The following SLC12A1 variants were observed in gnomAD, a reference collection of about 807,000 sequenced individuals.
SLC12A1 encodes the protein solute carrier family 12 member 1.
In SLC12A1, 89 loss-of-function variants were observed where a neutral mutation model predicts 130.4. The observed-to-expected ratio is 0.68, with a 90% CI of 0.58 to 0.81. The LOEUF (loss-of-function observed/expected upper bound fraction) is 0.81. Among genes scored for constraint, SLC12A1 ranks in the 40% least tolerant of loss-of-function variants. The pLI is 0.00. For synonymous variants in SLC12A1, 499 were observed against 460.0 expected (o/e 1.08, Z -1.09); for missense variants, 1,310 against 1,336.4 (o/e 0.98, Z 0.31).
In SLC12A1 at chr15:48,251,614, G is replaced by T; in HGVS notation, c.1787-1G>T. ...TTTCCTTCTGCATATTTTGTTTTCAGGATGGAGACCTGCGTATGGAATTTA... is the reference window on the plus strand; with the variant it reads ...TTTCCTTCTGCATATTTTGTTTTCATGATGGAGACCTGCGTATGGAATTTA... On this transcript the variant is annotated splice_acceptor_variant, in intron 14 of 26. Coordinates refer to ENST00000380993, the MANE Select transcript of SLC12A1 (RefSeq NM_000338.3). LOFTEE classifies it high-confidence loss of function. The T allele has an allele frequency of 6.2e-7, 1 of 1,612,962 alleles. No individual in the cohort carries two copies. Among genetic ancestry groups the T allele is most frequent in the Non-Finnish European group, 8.5e-7 (1 of 1,178,988 alleles).
At chr15:48,235,048 A>T (rs757626803) in intron 9 of SLC12A1, 44 bp downstream of exon 9, 97 of 1,598,954 alleles carry the variant, frequency 6.1e-5, no homozygotes, top group Non-Finnish European at 8.0e-5. Flanking sequence ...GTGGTGGTAC[A>T]CTTGGTGGGT....
At chr15:48,242,579 G>T (rs959337197) in intron 10 of SLC12A1, among the ~76,000 whole-genome samples, 4 of 152,168 alleles carry the variant, frequency 2.6e-5, no homozygotes, top group South Asian at 4.1e-4. Flanking sequence ...GAGGCCAGAG[G>T]ATTGCTTAAG....
In SLC12A1 at chr15:48,225,838, C is replaced by T. The variant is rs955159807; in HGVS notation, c.629-638C>T. The T allele has an allele frequency of 1.8e-5, 17 of 938,362 alleles. No homozygotes were observed. In the African/African-American group the frequency reaches 2.7e-4, roughly 15 times the overall value. 58.1% of individuals were successfully genotyped at this position (938,362 alleles called of 1,614,324 possible). A position where few individuals can be genotyped will look rare whatever the true frequency, so the allele number is the denominator to read the frequency against. On this transcript the variant is annotated intron_variant, in intron 4 of 26. Transcript: ENST00000380993. ...CCACCATTTAATACCTTTATTTTTC[C>T]TCTTTCAACTGAGGTCTTGGTGTGA...
rs1265131306 is a variant in SLC12A1 at position 48,263,240 on chromosome 15, T to C, written c.2154+3929T>C. Among the ~76,000 whole-genome samples, 7 of 152,316 alleles carry C rather than the reference T, an allele frequency of 4.6e-5. No individual in the cohort carries two copies. The East Asian group carries it at 1.3e-3, about 29-fold the overall frequency. On this transcript the variant is annotated intron_variant, in intron 17 of 26. Transcript: ENST00000380993. ...GATCAAAAGTTAATTGAATTGAAAG[T>C]CGATTCCATTGACCTGGGATTTGGA...
Position 48,302,778 on chromosome 15 carries a change from A to G in SLC12A1, c.3193A>G (p.Ile1065Val). ...CCTTCCCGTGGCAAGAAAGGGATCC[A>G]TATCGGATTTGTTGTATATGGCTTG... ...LSLPVARKGS[I>V]SDLLYMAWLE... Residue 1065 changes from isoleucine to valine, a missense_variant, in exon 27 of 27, where the codon ATA (isoleucine) becomes GTA (valine). Transcript: ENST00000380993. 1 of 1,612,710 alleles carries G rather than the reference A, an allele frequency of 6.2e-7. No individual in the cohort carries two copies. Among genetic ancestry groups the G allele is most frequent in the Non-Finnish European group, 8.5e-7 (1 of 1,179,268 alleles).
At chr15:48,299,877 C>T (rs1323523763) in intron 25 of SLC12A1, among the ~76,000 whole-genome samples, 6 of 152,012 alleles carry the variant, frequency 3.9e-5, no homozygotes, top group Admixed American at 3.9e-4. Flanking sequence ...GGCAGGGGGT[C>T]AACAACTAAG....
In SLC12A1 at chr15:48,220,698, A is replaced by G; in HGVS notation, c.485A>G (p.Glu162Gly). ...VANGDGIPGDEQAENKEDDQA... is the reference protein window; with the variant it reads ...VANGDGIPGDGQAENKEDDQA... Reference sequence around the variant, plus strand: ...AACGGTGATGGGATACCTGGAGATGAACAAGCTGAAAATAAGGAAGATGAT... The same window carrying G: ...AACGGTGATGGGATACCTGGAGATGGACAAGCTGAAAATAAGGAAGATGAT... Residue 162 changes from glutamate to glycine, a missense_variant, in exon 3 of 27, where the codon GAA (glutamate) becomes GGA (glycine). Transcript: ENST00000380993. 1.2e-6 allele frequency: 2 copies of G among 1,613,856 alleles called. No homozygotes were observed. Among genetic ancestry groups the G allele is most frequent in the Non-Finnish European group, 1.7e-6 (2 of 1,179,810 alleles).
At chr15:48,232,167 A>G (rs1359534820) in intron 7 of SLC12A1, among the ~76,000 whole-genome samples, 1 of 152,234 alleles carries the variant, frequency 6.6e-6, no homozygotes, top group East Asian at 1.9e-4. Flanking sequence ...ATATGGCAAC[A>G]CCAAGCCATA....
intron 5 of SLC12A1, chr15:48,226,966 G>A: frequency 1.4e-6 from 1 of 701,918 alleles, no homozygotes; most frequent in Non-Finnish European, 2.5e-6. Context: ...AACATTTCAG[G>A]TTTTCACAGG....
At chr15:48,209,660 C>T (rs1485154456) in intron 2 of SLC12A1, among the ~76,000 whole-genome samples, 2 of 152,134 alleles carry the variant, frequency 1.3e-5, no homozygotes, top group East Asian at 3.8e-4. Context: ...GAATACTACT[C>T]TCAGGAAAGA....
rs149183956 is a variant in SLC12A1 at position 48,276,652 on chromosome 15, C to T, written c.2485+1999C>T. 4.8e-3 allele frequency among the ~76,000 whole-genome samples: 735 copies of T among 152,218 alleles called. 8 individuals carry two copies. The highest frequency in any genetic ancestry group is 0.044 in the Middle Eastern group (13 of 294). On this transcript the variant is annotated intron_variant, in intron 20 of 26. Coordinates refer to ENST00000380993, the MANE Select transcript of SLC12A1 (RefSeq NM_000338.3). ...ATTGTGAGGAAATAAATTTTTATTGCTTATGACACCCTGTCTGTGACACTT... is the reference window on the plus strand; with the variant it reads ...ATTGTGAGGAAATAAATTTTTATTGTTTATGACACCCTGTCTGTGACACTT...
chr15:48,236,946 T>A (rs745474644), intron 9 of SLC12A1: 19 of 683,904 alleles, frequency 2.8e-5, no homozygotes, highest in Non-Finnish European at 5.3e-6. Context: ...TAGCAGTCAG[T>A]TCCGCTTAGC....
At chr15:48,218,460 G>A (rs1371061916) in intron 2 of SLC12A1, among the ~76,000 whole-genome samples, 1 of 152,072 alleles carries the variant, frequency 6.6e-6, no homozygotes, top group African/African-American at 2.4e-5. Context: ...GAGTATAGAG[G>A]CCAAATGAGG....
At chr15:48,228,609 C>A (rs1448101363) in intron 5 of SLC12A1, 1 of 246,444 alleles carries the variant, frequency 4.1e-6, no homozygotes, top group East Asian at 1.0e-4. Context: ...ATCATGCCTT[C>A]TTTCACTAAA....
Position 48,259,254 on chromosome 15 carries a change from C to A in SLC12A1, c.2097C>A (p.Asp699Glu). ...CCATGACAAGACCTGCTCTCCTGGA[C>A]ATAACTCACGCCTTTACCAAGAACA... The part of the protein sequence containing the change: ...GGPMTRPALL[D>E]ITHAFTKNSG... The change falls in exon 17 of 27, where the codon GAC becomes GAA. Residue 699 changes from aspartate (D) to glutamate (E), a missense_variant. Physicochemically the swap from Asp to Glu is conservative, Grantham distance 45 (BLOSUM62 2). Coordinates refer to ENST00000380993, the MANE Select transcript of SLC12A1 (RefSeq NM_000338.3). 1 of 1,613,876 alleles carries A rather than the reference C, an allele frequency of 6.2e-7. No individual in the cohort carries two copies. Among genetic ancestry groups the A allele is most frequent in the Non-Finnish European group, 8.5e-7 (1 of 1,179,798 alleles).
At chr15:48,243,405 C>T (rs1271871042) in intron 10 of SLC12A1, among the ~76,000 whole-genome samples, 1 of 152,132 alleles carries the variant, frequency 6.6e-6, no homozygotes, top group Non-Finnish European at 1.5e-5. Flanking sequence ...CGCCTGTAAT[C>T]CCAGCACTTT....
chr15:48,295,034 CTT>C lies in SLC12A1; in HGVS notation c.2960+3171_2960+3172del, dbSNP rs201691775. Among the ~76,000 whole-genome samples, 723 of 151,210 alleles carry C rather than the reference CTT, an allele frequency of 4.8e-3. 8 individuals carry two copies. Among genetic ancestry groups the C allele is most frequent in the Middle Eastern group, 0.046 (13 of 284 alleles). The stretch of plus-strand genomic sequence containing the variant: ...TCAAGAGATCCTCCTGCCTCAGCCT[CTT>C]GAGTAGCTGGGTCTACAGGCATGAG... On this transcript the variant is annotated intron_variant, in intron 24 of 26. Transcript: ENST00000380993.
At chr15:48,242,526 G>A (rs1597421007) in intron 10 of SLC12A1, among the ~76,000 whole-genome samples, 1 of 152,292 alleles carries the variant, frequency 6.6e-6, no homozygotes, top group East Asian at 1.9e-4. Flanking sequence ...GTTGCGGCTG[G>A]GCACAGTAGC....
chr15:48,220,267 G>A (rs2041193894), intron 2 of SLC12A1, among the ~76,000 whole-genome samples: 1 of 151,952 alleles, frequency 6.6e-6, no homozygotes, highest in Non-Finnish European at 1.5e-5. Context: ...GTCGTAACAT[G>A]ACTTCCAAAG....
Sources: allele counts gnomAD v4.1 joint callset (sites outside exome capture counted in the v4.1 genomes callset), GRCh38; gene constraint gnomAD v4.1.1; transcripts MANE v1.5; gene names NCBI Gene and HGNC (gene_info 2026-07-23, HGNC 2026-07-21).